The following PICALM variants were observed in gnomAD, a reference collection of about 807,000 sequenced individuals.
PICALM encodes phosphatidylinositol-binding clathrin assembly protein.
PICALM carries 40 observed loss-of-function variants against 80.5 expected under a neutral mutation model. The ratio of observed to expected loss-of-function variants is 0.50; its 90% confidence interval spans 0.39 to 0.65. The LOEUF (loss-of-function observed/expected upper bound fraction) is 0.65, where lower values mean the gene tolerates loss of function less well. PICALM is among the 30% of genes least tolerant of loss of function. The probability of loss-of-function intolerance (pLI) is 0.00; values close to 1 mark genes in which losing one functional copy is unlikely to be tolerated. For synonymous variants in PICALM, 288 were observed against 260.3 expected (o/e 1.11, Z -1.02); for missense variants, 676 against 778.9 (o/e 0.87, Z 1.57).
intron 1 of PICALM, among the ~76,000 whole-genome samples, chr11:86,068,025 A>G (rs1421201584): frequency 6.6e-6 from 1 of 152,248 alleles, no homozygotes; most frequent in Non-Finnish European, 1.5e-5. Context: ...ATTTAAAATG[A>G]GTCGAAGAAA....
chr11:86,010,382 A>C (rs2095371718), intron 7 of PICALM, among the ~76,000 whole-genome samples: 1 of 149,718 alleles, frequency 6.7e-6, no homozygotes, highest in Non-Finnish European at 1.5e-5. Flanking sequence ...CCTGGAGTGC[A>C]GTGGTGCGAT....
At chr11:86,061,662 T>C (rs955253779) in intron 1 of PICALM, among the ~76,000 whole-genome samples, 8 of 152,200 alleles carry the variant, frequency 5.3e-5, no homozygotes, top group Admixed American at 4.6e-4. Context: ...GAATATAAAA[T>C]GGTACCATCA....
In PICALM at chr11:86,068,825, G is replaced by T. The variant is rs983411354; in HGVS notation, c.-45C>A. 21 of 1,555,502 alleles carry T rather than the reference G, an allele frequency of 1.4e-5. No individual in the cohort carries two copies. The highest frequency in any genetic ancestry group is 1.8e-5 in the Non-Finnish European group (21 of 1,154,966). On this transcript the variant is annotated 5_prime_UTR_variant, in exon 1 of 20. Transcript: ENST00000393346. ...CCCCACCCGCTCAGCAGCCGGCGGG[G>T]ACTGGGACCCCCAAGAGCCGGAGGG...
intron 1 of PICALM, among the ~76,000 whole-genome samples, chr11:86,035,124 CTTTTT>C (rs10710079): frequency 6.4e-4 from 95 of 148,558 alleles, no homozygotes; most frequent in African/African-American, 2.1e-3. Context: ...CTGAGGAAGT[CTTTTT>C]TTTTTTTTAA....
chr11:85,975,714 A>G (rs1253252914), intron 18 of PICALM, among the ~76,000 whole-genome samples: 1 of 147,292 alleles, frequency 6.8e-6, no homozygotes, highest in Non-Finnish European at 1.5e-5. Flanking sequence ...CTCCTGCCTC[A>G]GCCTCCCAAG....
chr11:86,005,507 C>G (rs2095256901), intron 8 of PICALM, among the ~76,000 whole-genome samples: 1 of 151,976 alleles, frequency 6.6e-6, no homozygotes, highest in Non-Finnish European at 1.5e-5. Context: ...TGTTTGAGAC[C>G]AGCCTGCGGA....
At chr11:85,965,807 G>GTTTTTGT (rs2093862096) in intron 19 of PICALM, among the ~76,000 whole-genome samples, 7 of 79,256 alleles carry the variant, frequency 8.8e-5, no homozygotes, top group South Asian at 4.5e-4. Flanking sequence ...TACCCATTTT[G>GTTTTTGT]TTTTTTTGTT....
At chr11:86,053,290 C>T (rs527975602) in intron 1 of PICALM, among the ~76,000 whole-genome samples, 20 of 152,340 alleles carry the variant, frequency 1.3e-4, no homozygotes, top group Non-Finnish European at 2.4e-4. Flanking sequence ...CAATCACAAG[C>T]GGCAAGCTGC....
At chr11:86,042,777 G>A (rs2095997677) in intron 1 of PICALM, among the ~76,000 whole-genome samples, 1 of 151,908 alleles carries the variant, frequency 6.6e-6, no homozygotes, top group Non-Finnish European at 1.5e-5. Flanking sequence ...CCAATGCTGT[G>A]AACCCAAGCA....
chr11:86,064,998 C>A (rs888885731), intron 1 of PICALM, among the ~76,000 whole-genome samples: 5 of 152,056 alleles, frequency 3.3e-5, no homozygotes, highest in African/African-American at 1.2e-4. Context: ...GGGAGGATTT[C>A]TTGAGCCTGA....
chr11:85,992,039 A>T (rs1164959657), intron 12 of PICALM, among the ~76,000 whole-genome samples: 3 of 152,066 alleles, frequency 2.0e-5, no homozygotes, highest in African/African-American at 7.2e-5. Flanking sequence ...TTTTGTAGAG[A>T]TGCTATGATA....
intron 13 of PICALM, among the ~76,000 whole-genome samples, chr11:85,989,679 T>C (rs2094699876): frequency 6.6e-6 from 1 of 152,164 alleles, no homozygotes; most frequent in Non-Finnish European, 1.5e-5. Context: ...TGCTTTACTA[T>C]TTAAAATGAA....
intron 19 of PICALM, chr11:85,960,747 T>A: frequency 7.6e-7 from 1 of 1,315,146 alleles, no homozygotes; most frequent in Non-Finnish European, 1.0e-6. Context: ...CTGTGAGGAC[T>A]GTGACTGGAG....
chr11:86,048,944 T>C (rs1025703807), intron 1 of PICALM, among the ~76,000 whole-genome samples: 1 of 151,644 alleles, frequency 6.6e-6, no homozygotes, highest in Admixed American at 6.6e-5. Context: ...GGAATAAGGA[T>C]AATGTGGGTA....
intron 19 of PICALM, among the ~76,000 whole-genome samples, chr11:85,967,897 G>C (rs1372637379): frequency 6.6e-6 from 1 of 152,066 alleles, no homozygotes; most frequent in Non-Finnish European, 1.5e-5. Flanking sequence ...TTTCCTTTCA[G>C]ACACTTAACT....
At chr11:85,963,605 C>T (rs976680243) in intron 19 of PICALM, among the ~76,000 whole-genome samples, 2 of 152,176 alleles carry the variant, frequency 1.3e-5, no homozygotes, top group Non-Finnish European at 2.9e-5. Context: ...TATAAATATA[C>T]TAAAATCTGC....
At chr11:85,988,586 A>G (rs2094655283) in intron 13 of PICALM, among the ~76,000 whole-genome samples, 1 of 152,100 alleles carries the variant, frequency 6.6e-6, no homozygotes, top group South Asian at 2.1e-4. Context: ...GGAAGGCAGG[A>G]AAGGAGTAAG....
chr11:86,051,436 G>T lies in PICALM; in HGVS notation c.130+17215C>A, dbSNP rs149567702. On this transcript the variant is annotated intron_variant, in intron 1 of 19. Coordinates refer to ENST00000393346, the MANE Select transcript of PICALM (RefSeq NM_007166.4). ...AGCACTTTGGGAGATGGAGGTGGGCGGATCACTTGAAGTCAGGAGTTCCTG... is the reference window on the plus strand; with the variant it reads ...AGCACTTTGGGAGATGGAGGTGGGCTGATCACTTGAAGTCAGGAGTTCCTG... Among the ~76,000 whole-genome samples, 440 of 152,124 alleles carry T rather than the reference G, an allele frequency of 2.9e-3. 2 individuals are homozygous for T. The highest frequency in any genetic ancestry group is 0.01 in the African/African-American group (432 of 41,498).
chr11:85,974,754 G>T lies in PICALM; in HGVS notation c.1898C>A (p.Pro633His). ...MTQPTLIYSQ[P>H]VMRPPNPFGP... ...AAAGGGGTTTGGAGGTCTCATGACA[G>T]GCTGGCTGTATATTAAGGTTGGTTG... is the stretch of plus-strand genomic sequence containing the variant. Residue 633 changes from proline (P) to histidine (H), a missense_variant, in exon 19 of 20, where the codon CCT becomes CAT. Pro to His is a moderately conservative substitution (Grantham distance 77). Coordinates refer to ENST00000393346, the MANE Select transcript of PICALM (RefSeq NM_007166.4). 6.2e-7 allele frequency: 1 copy of T among 1,613,904 alleles called. No individual in the cohort carries two copies. Among genetic ancestry groups the T allele is most frequent in the East Asian group, 2.2e-5 (1 of 44,864 alleles).
Sources: allele counts gnomAD v4.1 joint callset (sites outside exome capture counted in the v4.1 genomes callset), GRCh38; gene constraint gnomAD v4.1.1; transcripts MANE v1.5; gene names NCBI Gene and HGNC (gene_info 2026-07-23, HGNC 2026-07-21).